The following KIF14 variants were observed in gnomAD, a reference collection of about 807,000 sequenced individuals.
KIF14 encodes the protein kinesin family member 14.
Under a neutral mutation model 176.2 loss-of-function variants are expected in KIF14, and 98 were observed. The ratio of observed to expected loss-of-function variants is 0.56; its 90% CI spans 0.47 to 0.66. The LOEUF is 0.66. KIF14 is among the 30% of genes least tolerant of loss of function. KIF14 has a pLI of 0.00. For synonymous variants in KIF14, 566 were observed against 632.2 expected (o/e 0.90, Z 1.57); for missense variants, 1,751 against 1,920.4 (o/e 0.91, Z 1.65).
intron 23 of KIF14, among the ~76,000 whole-genome samples, chr1:200,567,468 C>G (rs1372877105): frequency 1.3e-5 from 2 of 149,230 alleles, no homozygotes; most frequent in Non-Finnish European, 3.0e-5. Flanking sequence ...TGGCGTGAAC[C>G]CGGGAGGCGC....
rs752747265 is a variant in KIF14, at chr1:200,592,083, G to A, written c.2810C>T (p.Ser937Leu). 1 of 1,611,026 alleles carries A rather than the reference G, an allele frequency of 6.2e-7. No individual in the cohort carries two copies. Among genetic ancestry groups the A allele is most frequent in the African/African-American group, 1.3e-5 (1 of 74,690 alleles). Residue 937 changes from serine (S) to leucine (L), a missense_variant, in exon 16 of 30, where the codon TCA becomes TTA. Transcript: ENST00000367350. ...TTCATATCAACAGCATACTTACTGT[G>A]ATCTCTGTGCCATGAGCAACTCATT... is the stretch of plus-strand genomic sequence containing the variant. Reference protein sequence around the residue: ...AKNELLMAQRSQLEAEIKEAQ... With the variant: ...AKNELLMAQRLQLEAEIKEAQ...
chr1:200,598,292 G>C lies in KIF14; in HGVS notation c.2494C>G (p.Pro832Ala). 1.2e-6 allele frequency: 2 copies of C among 1,613,338 alleles called. No individual in the cohort carries two copies. Among genetic ancestry groups the C allele is most frequent in the Non-Finnish European group, 1.7e-6 (2 of 1,179,708 alleles). The change falls in exon 14 of 30, where the codon CCA becomes GCA. Residue 832 changes from proline to alanine, a missense_variant. By Grantham distance (27) the Pro-to-Ala change is conservative (BLOSUM62 -1). Transcript: ENST00000367350. ...AACTGAATATCATGGCTTGAGTTTG[G>C]TTTATACTTTCCAACTGTAGTTGTT... ...EGTTTVGKYK[P>A]NSSHDIQLSG... is the part of the protein sequence containing the mutation.
intron 22 of KIF14, among the ~76,000 whole-genome samples, chr1:200,572,730 T>C (rs779593347): frequency 1.3e-5 from 2 of 152,198 alleles, no homozygotes; most frequent in Non-Finnish European, 2.9e-5. Flanking sequence ...CTGTTTATAA[T>C]AAAAATAATA....
rs1279024827 is a variant in KIF14 at position 200,602,072 on chromosome 1, C to A, written c.1980-4G>T. The A allele has an allele frequency of 3.1e-6, 5 of 1,603,486 alleles. No individual in the cohort carries two copies. The highest frequency in any genetic ancestry group is 1.7e-5 in the Admixed American group (1 of 57,630). ...ACCCAGACTTTCTTTTAACAGCCTA[C>A]AAGAAAAAAAGTCATAAGACTTTGC... On this transcript the variant is annotated splice_region_variant and splice_polypyrimidine_tract_variant and intron_variant, in intron 10 of 29. Coordinates refer to ENST00000367350, the MANE Select transcript of KIF14 (RefSeq NM_014875.3).
chr1:200,609,517 C>T (rs1050446234), intron 4 of KIF14, among the ~76,000 whole-genome samples: 2 of 152,090 alleles, frequency 1.3e-5, no homozygotes, highest in East Asian at 1.9e-4. Flanking sequence ...GGCATGGTGC[C>T]GGGCGCCTGT....
chr1:200,580,180 C>G (rs1353205153), intron 21 of KIF14, 74 bp downstream of exon 21: 1 of 791,656 alleles, frequency 1.3e-6, no homozygotes. Context: ...ACTTTTTTCA[C>G]CAAAAGCAGG....
chr1:200,600,112 C>G lies in KIF14; in HGVS notation c.2302G>C (p.Val768Leu), dbSNP rs757664988. The part of the protein sequence containing the change: ...QERDMAEMQR[V>L]WKEKFEQAEK... ...GCTTGTTCAAACTTTTCTTTCCACA[C>G]TCTTTCCAAAGACAAAGAAAATAAC... Residue 768 changes from valine to leucine, a missense_variant and splice_region_variant, in exon 13 of 30, where the codon GTG (valine) becomes CTG (leucine). Coordinates refer to ENST00000367350, the MANE Select transcript of KIF14 (RefSeq NM_014875.3). 6.3e-7 allele frequency: 1 copy of G among 1,596,040 alleles called. No individual in the cohort carries two copies. Among genetic ancestry groups the G allele is most frequent in the African/African-American group, 1.3e-5 (1 of 74,322 alleles).
intron 23 of KIF14, among the ~76,000 whole-genome samples, chr1:200,568,070 T>C (rs569363893): frequency 6.6e-6 from 1 of 152,332 alleles, no homozygotes; most frequent in African/African-American, 2.4e-5. Context: ...GAAGTTAAGA[T>C]ACTTGCTCAA....
chr1:200,580,280 G>A lies in KIF14; in HGVS notation c.3439C>T (p.Leu1147Phe), dbSNP rs757228557. 4 of 1,472,374 alleles carry A rather than the reference G, an allele frequency of 2.7e-6. No homozygotes were observed. The South Asian group carries it at 6.1e-5, about 22-fold the overall frequency. The allele number at this position is 1,472,374 out of a possible 1,614,324, so 91.2% of individuals were successfully genotyped here. The change falls in exon 21 of 30, where the codon CTT becomes TTT. Residue 1147 changes from leucine to phenylalanine, a missense_variant. Coordinates refer to ENST00000367350, the MANE Select transcript of KIF14 (RefSeq NM_014875.3). ...TCATAAAGTTCTTTCATTGCTGCAA[G>A]TTTAGATTCAAACTTTTCCAGACTC... ...FWSLEKFESKLAAMKELYESN... is the reference protein window; with the variant it reads ...FWSLEKFESKFAAMKELYESN...
At chr1:200,567,009 T>C (rs1484907406) in intron 23 of KIF14, among the ~76,000 whole-genome samples, 1 of 151,354 alleles carries the variant, frequency 6.6e-6, no homozygotes, top group African/African-American at 2.4e-5. Context: ...ACCCCGTCTC[T>C]ACTAAAAATG....
At chr1:200,601,438 T>C (rs1193843498) in intron 11 of KIF14, among the ~76,000 whole-genome samples, 3 of 152,178 alleles carry the variant, frequency 2.0e-5, no homozygotes, top group Non-Finnish European at 4.4e-5. Flanking sequence ...GATGATTACC[T>C]AGAGATAAAT....
At chr1:200,554,653 A>G in intron 28 of KIF14, 47 bp from the exon 29 acceptor site, 1 of 977,590 alleles carries the variant, frequency 1.0e-6, no homozygotes, top group Non-Finnish European at 1.5e-6. Flanking sequence ...AACAGGCTCA[A>G]TGGCAGTAAG....
At chr1:200,617,567 T>C (rs1660461392) in intron 2 of KIF14, 45 bp downstream of exon 2, 3 of 1,540,386 alleles carry the variant, frequency 1.9e-6, no homozygotes, top group Non-Finnish European at 2.6e-6. Context: ...TAAAGGTACC[T>C]TACATGTAAC....
intron 23 of KIF14, among the ~76,000 whole-genome samples, chr1:200,568,650 C>T (rs1218536363): frequency 1.3e-5 from 2 of 152,040 alleles, no homozygotes; most frequent in African/African-American, 2.4e-5. Context: ...AAATTTCCAC[C>T]ATCCCATCCC....
In KIF14 at chr1:200,560,806, T is replaced by C. The variant is rs761272528; in HGVS notation, c.4146A>G (p.Val1382=). The C allele has an allele frequency of 1.9e-6, 3 of 1,614,196 alleles. No homozygotes were observed. The highest frequency in any genetic ancestry group is 1.7e-5 in the Admixed American group (1 of 60,024). ...GAACTGCTAACTGCCCCACATACTT[T>C]ACAGCTTGTTGTACAATTTGGATTG... The part of the protein sequence containing the change: ...KNAIQIVQQA[V]KYVGQLAVLK... Residue 1382 remains valine (V), a synonymous_variant, in exon 26 of 30, where the codon GTA becomes GTG. Coordinates refer to ENST00000367350, the MANE Select transcript of KIF14 (RefSeq NM_014875.3).
intron 27 of KIF14, among the ~76,000 whole-genome samples, chr1:200,557,310 A>AT (rs1656887964): frequency 6.6e-6 from 1 of 152,132 alleles, no homozygotes; most frequent in Non-Finnish European, 1.5e-5. Flanking sequence ...CCGTGTTTTT[A>AT]TTTTTTAAAA....
rs146045877 is a variant in KIF14, at chr1:200,560,358, G to A, written c.4230+364C>T. ...GCAATCTCAGCTCAACGCAACCTCT[G>A]TCTCCTGGGTTCAAGTGATTCTCCT... On this transcript the variant is annotated intron_variant, in intron 26 of 29. Coordinates refer to ENST00000367350, the MANE Select transcript of KIF14 (RefSeq NM_014875.3). Among the ~76,000 whole-genome samples the A allele has an allele frequency of 2.5e-3, 376 of 151,962 alleles. 3 individuals are homozygous for A. Among genetic ancestry groups the A allele is most frequent in the African/African-American group, 8.5e-3 (351 of 41,456 alleles).
rs1375032549 is a variant in KIF14 at position 200,551,671 on chromosome 1, A to G, written c.*1717T>C. ...TAAAGACACTAAAAAGTTTCTGACC[A>G]ATTAAGTCATGAGTTTACAAAGCAC... On this transcript the variant is annotated 3_prime_UTR_variant, in exon 30 of 30. Transcript: ENST00000367350. The G allele has an allele frequency of 2.0e-5, 3 of 152,166 alleles. No homozygotes were observed. In the East Asian group the frequency reaches 5.8e-4, roughly 29 times the overall value. The allele number at this position is 152,166 out of a possible 1,614,324, so 9.4% of individuals were successfully genotyped here.
At chr1:200,615,142 T>C (rs1364945204) in intron 3 of KIF14, among the ~76,000 whole-genome samples, 1 of 152,182 alleles carries the variant, frequency 6.6e-6, no homozygotes, top group Non-Finnish European at 1.5e-5. Flanking sequence ...CCAATGATAA[T>C]TACAAGATGA....
Sources: gnomAD v4.1 joint callset for allele counts (sites outside exome capture counted in the v4.1 genomes callset) on GRCh38, gnomAD v4.1.1 for gene constraint, MANE v1.5 for transcripts, NCBI Gene and HGNC (gene_info 2026-07-23, HGNC 2026-07-21) for gene names.